The following KLHL32 variants were observed in gnomAD, a reference collection of about 807,000 sequenced individuals.
The protein encoded by KLHL32 is kelch like family member 32, also known as kelch-like protein 32.
Under a neutral mutation model 64.8 loss-of-function variants are expected in KLHL32, and 35 were observed. The observed-to-expected ratio is 0.54, with a 90% CI of 0.41 to 0.72. The LOEUF (loss-of-function observed/expected upper bound fraction) is 0.72. Ranked by LOEUF, KLHL32 falls within the 30% of genes least tolerant of loss-of-function variation. The pLI is 0.00. For synonymous variants in KLHL32, 259 were observed against 281.0 expected, an observed-to-expected ratio of 0.92 and a Z score of 0.78; for missense variants, 589 against 768.5, an observed-to-expected ratio of 0.77 and a Z score of 2.76.
chr6:97,105,508 G>A (rs1406496230), intron 6 of KLHL32: 2 of 470,972 alleles, frequency 4.2e-6, no homozygotes, highest in Non-Finnish European at 8.8e-6. Context: ...TACCTCAATG[G>A]GATGACAAGA....
chr6:96,973,645 A>G lies in KLHL32; in HGVS notation c.24-2352A>G, dbSNP rs1261511087. 3.3e-5 allele frequency among the ~76,000 whole-genome samples: 5 copies of G among 151,818 alleles called. No individual in the cohort carries two copies. In the South Asian group the frequency reaches 1.0e-3, roughly 32 times the overall value. On this transcript the variant is annotated intron_variant, in intron 2 of 10. Coordinates refer to ENST00000369261, the MANE Select transcript of KLHL32 (RefSeq NM_052904.4). ...ATTATTCTAAAAGGCTGATTTTGAG[A>G]TTCATTATACATAATATAAAGTTAA... is the stretch of plus-strand genomic sequence containing the variant.
chr6:97,139,029 GAATTT>G (rs2128226629), intron 10 of KLHL32, 87 bp from the exon 11 acceptor site: 9 of 1,222,638 alleles, frequency 7.4e-6, no homozygotes, highest in Non-Finnish European at 6.9e-6. Context: ...TGACATAACT[GAATTT>G]AAGTTCAGAA....
At chr6:97,010,673 A>G (rs1269246774) in intron 3 of KLHL32, among the ~76,000 whole-genome samples, 4 of 152,158 alleles carry the variant, frequency 2.6e-5, no homozygotes, top group African/African-American at 9.7e-5. Context: ...TTTTGGTCCT[A>G]ATGTTGAAAA....
intron 6 of KLHL32, among the ~76,000 whole-genome samples, chr6:97,103,784 T>C (rs1347946996): frequency 6.6e-6 from 1 of 152,156 alleles, no homozygotes; most frequent in African/African-American, 2.4e-5. Flanking sequence ...AATGTCACCT[T>C]GTTTTTCTGA....
chr6:97,042,230 G>T (rs1326502556), intron 4 of KLHL32, among the ~76,000 whole-genome samples: 4 of 152,222 alleles, frequency 2.6e-5, no homozygotes, highest in South Asian at 2.1e-4. Context: ...TTCATCCAAC[G>T]TGGATTTAGT....
intron 4 of KLHL32, among the ~76,000 whole-genome samples, chr6:97,056,128 T>C (rs1232859158): frequency 7.4e-5 from 10 of 135,300 alleles, no homozygotes; most frequent in South Asian, 4.7e-4. Flanking sequence ...TTTTTTGAGA[T>C]GAAGTCTCGC....
In KLHL32 at chr6:97,037,396, TA is replaced by T. The variant is rs1209753625; in HGVS notation, c.205-4089del. On this transcript the variant is annotated intron_variant, in intron 3 of 10. Transcript: ENST00000369261. ...TTTAAAATGTATAGACTTGTGAGGATAAAAAAATAACATTTGTTAAAATAAA... is the reference window on the plus strand; with the variant it reads ...TTTAAAATGTATAGACTTGTGAGGATAAAAAATAACATTTGTTAAAATAAA... Among the ~76,000 whole-genome samples the T allele has an allele frequency of 1.8e-4, 25 of 136,908 alleles. No individual in the cohort carries two copies. The South Asian group carries it at 4.7e-3, about 26-fold the overall frequency. The allele number at this position is 136,908 out of a possible 152,430, so 89.8% of individuals were successfully genotyped here. A position where few individuals can be genotyped will look rare whatever the true frequency, so the allele number is the denominator to read the frequency against.
At position 97,113,974 on chromosome 6, in the gene KLHL32, A is replaced by G. The variant is rs963155244; in HGVS notation, c.819A>G (p.Ala273=). 15 of 1,614,092 alleles carry G rather than the reference A, an allele frequency of 9.3e-6. No homozygotes were observed. Among genetic ancestry groups the G allele is most frequent in the Admixed American group, 3.3e-5 (2 of 60,010 alleles). ...TGGAATACCACCAGAGCATCTATGC[A>G]CAGCCTGTCTGGCAGACTCGCAGGA... is the stretch of plus-strand genomic sequence containing the variant. ...EALEYHQSIY[A]QPVWQTRRTK... The change falls in exon 7 of 11, where the codon GCA becomes GCG. Residue 273 remains alanine (A), a synonymous_variant. Coordinates refer to ENST00000369261, the MANE Select transcript of KLHL32 (RefSeq NM_052904.4).
intron 5 of KLHL32, among the ~76,000 whole-genome samples, chr6:97,079,383 C>G (rs1792127742): frequency 6.6e-6 from 1 of 152,132 alleles, no homozygotes; most frequent in Non-Finnish European, 1.5e-5. Context: ...CTCAAACTGC[C>G]CTCCTTCCTC....
At chr6:96,938,099 C>A (rs17448885) in intron 1 of KLHL32, among the ~76,000 whole-genome samples, 18 of 151,934 alleles carry the variant, frequency 1.2e-4, no homozygotes, top group Non-Finnish European at 1.8e-4. Flanking sequence ...ACAGAAAAAC[C>A]CTTAAAGCCC....
At chr6:97,089,143 A>G (rs1793854269) in intron 6 of KLHL32, among the ~76,000 whole-genome samples, 1 of 152,232 alleles carries the variant, frequency 6.6e-6, no homozygotes, top group Non-Finnish European at 1.5e-5. Flanking sequence ...TCCCTCTTCC[A>G]GGCCTCCTCC....
intron 3 of KLHL32, among the ~76,000 whole-genome samples, chr6:97,001,946 GAGTTCTCCAAAGAAACATA>G (rs1779088193): frequency 6.6e-6 from 1 of 152,208 alleles, no homozygotes; most frequent in Admixed American, 6.5e-5. Context: ...GATTGAGTGT[GAGTTCTCCAAAGAAACATA>G]ACTAAGAGGA....
intron 10 of KLHL32, among the ~76,000 whole-genome samples, chr6:97,137,683 C>T (rs978455749): frequency 1.3e-4 from 20 of 151,996 alleles, no homozygotes; most frequent in African/African-American, 4.6e-4. Flanking sequence ...TACAGGCAGC[C>T]GCCACCACGC....
At chr6:97,067,320 A>T (rs907030490) in intron 5 of KLHL32, among the ~76,000 whole-genome samples, 3 of 152,214 alleles carry the variant, frequency 2.0e-5, no homozygotes, top group Non-Finnish European at 4.4e-5. Flanking sequence ...TGGCAGGAGC[A>T]GTGCTCCTCT....
chr6:97,129,760 T>C (rs1799236517), intron 8 of KLHL32, among the ~76,000 whole-genome samples: 4 of 152,130 alleles, frequency 2.6e-5, no homozygotes, highest in African/African-American at 9.7e-5. Context: ...CACTTGCCTG[T>C]AATCCCAGCT....
At chr6:96,979,987 T>C (rs1776122282) in intron 3 of KLHL32, among the ~76,000 whole-genome samples, 1 of 100,284 alleles carries the variant, frequency 1.0e-5, no homozygotes, top group South Asian at 3.7e-4. Context: ...ATAGAAATGC[T>C]ACTGATATTC....
intron 4 of KLHL32, among the ~76,000 whole-genome samples, chr6:97,043,907 C>T (rs1785516530): frequency 6.6e-6 from 1 of 152,006 alleles, no homozygotes; most frequent in African/African-American, 2.4e-5. Flanking sequence ...TTTATTTTCT[C>T]ATCTTCTTGT....
At chr6:97,111,575 C>A (rs1189429969) in intron 6 of KLHL32, among the ~76,000 whole-genome samples, 4 of 152,228 alleles carry the variant, frequency 2.6e-5, no homozygotes, top group Non-Finnish European at 4.4e-5. Context: ...GGCCCCACCA[C>A]AGCATCTAGT....
intron 10 of KLHL32, among the ~76,000 whole-genome samples, chr6:97,137,576 C>T (rs1800172319): frequency 6.6e-6 from 1 of 152,072 alleles, no homozygotes; most frequent in Non-Finnish European, 1.5e-5. Context: ...ACTCTGTCGC[C>T]CAGGCTGGAG....
Sources: allele counts gnomAD v4.1 joint callset (sites outside exome capture counted in the v4.1 genomes callset), GRCh38; gene constraint gnomAD v4.1.1; transcripts MANE v1.5; gene names NCBI Gene and HGNC (gene_info 2026-07-23, HGNC 2026-07-21).